The following CCDC171 variants were observed in gnomAD, a reference collection of about 807,000 sequenced individuals.
CCDC171 encodes the protein coiled-coil domain containing 171, also known as coiled-coil domain-containing protein 171.
In CCDC171, 177 loss-of-function variants were observed where a neutral mutation model predicts 168.2. The observed-to-expected ratio is 1.05, with a 90% CI of 0.93 to 1.19. The LOEUF (loss-of-function observed/expected upper bound fraction) is 1.19. CCDC171 is among the 50% of genes most tolerant of loss of function. The probability of loss-of-function intolerance (pLI) is 0.00; values close to 1 mark genes in which losing one functional copy is unlikely to be tolerated. For missense variants in CCDC171, 1,991 were observed against 1,539.0 expected (o/e 1.29, Z -4.91); for synonymous variants, 687 against 540.8 (o/e 1.27, Z -3.75).
Position 15,764,657 on chromosome 9 carries a change from G to A in CCDC171, c.2672-12943G>A, listed in dbSNP as rs1362162705. Among the ~76,000 whole-genome samples the A allele has an allele frequency of 2.0e-5, 3 of 152,296 alleles. No individual in the cohort carries two copies. In the East Asian group the frequency reaches 5.8e-4, roughly 29 times the overall value. On this transcript the variant is annotated intron_variant, in intron 18 of 25. Coordinates refer to ENST00000380701, the MANE Select transcript of CCDC171 (RefSeq NM_173550.4). Reference sequence around the variant, plus strand: ...TATGTCTGAGAAATATATTAGACTCGTAAGTGTCAAGGAGGTGGCTGGATA... The same window carrying A: ...TATGTCTGAGAAATATATTAGACTCATAAGTGTCAAGGAGGTGGCTGGATA...
chr9:15,846,447 T>C (rs73420384), intron 21 of CCDC171, among the ~76,000 whole-genome samples: 4,112 of 152,228 alleles, frequency 0.027, 185 homozygotes, highest in African/African-American at 0.095. Context: ...TTAGTAAGAA[T>C]ACAATTTGCC....
At chr9:16,089,107 G>C in the CCDC171 span, among the ~76,000 whole-genome samples, 169 of 152,150 alleles carry the variant, frequency 1.1e-3, no homozygotes, top group African/African-American at 3.7e-3. Flanking sequence ...ACAAGCAATG[G>C]GGAAAATATT....
chr9:15,593,969 C>T (rs1367756217), intron 5 of CCDC171, 72 bp from the exon 6 acceptor site: 3 of 1,014,698 alleles, frequency 3.0e-6, no homozygotes, highest in African/African-American at 1.7e-5. Context: ...CCTCTTTGTA[C>T]ATTTAAACTG....
intron 24 of CCDC171, among the ~76,000 whole-genome samples, chr9:15,876,389 C>T (rs1266235264): frequency 1.3e-5 from 2 of 152,028 alleles, no homozygotes; most frequent in African/African-American, 2.4e-5. Flanking sequence ...TTGAATATAT[C>T]ATCTTATTTA....
At chr9:15,991,816 C>G (rs907913937) in intron 3 of CCDC171, among the ~76,000 whole-genome samples, 5 of 152,140 alleles carry the variant, frequency 3.3e-5, no homozygotes, top group African/African-American at 9.7e-5. Context: ...CACAAATAAA[C>G]TAGAAAATCT....
intron 8 of CCDC171, among the ~76,000 whole-genome samples, chr9:15,663,253 G>A (rs2048459454): frequency 6.6e-6 from 1 of 151,914 alleles, no homozygotes; most frequent in Non-Finnish European, 1.5e-5. Context: ...CAAGTTTTAT[G>A]GTTCTAAAGC....
intron 3 of CCDC171, among the ~76,000 whole-genome samples, chr9:16,012,935 A>C (rs1212578558): frequency 6.6e-6 from 1 of 152,138 alleles, no homozygotes; most frequent in Non-Finnish European, 1.5e-5. Flanking sequence ...CAGCCCTGGG[A>C]TATCAACCAT....
At chr9:16,097,232 C>T in the CCDC171 span, among the ~76,000 whole-genome samples, 66,872 of 152,046 alleles carry the variant, frequency 0.44, 16,921 homozygotes, top group African/African-American at 0.7. Flanking sequence ...AGATAGAATG[C>T]TTATGGCATG....
At chr9:15,602,803 A>G (rs1349991838) in intron 6 of CCDC171, among the ~76,000 whole-genome samples, 1 of 150,936 alleles carries the variant, frequency 6.6e-6, no homozygotes, top group East Asian at 2.0e-4. Context: ...GATTACAGGC[A>G]CGCACCACCA....
chr9:16,086,958 T>C, the CCDC171 span, among the ~76,000 whole-genome samples: 1 of 152,222 alleles, frequency 6.6e-6, no homozygotes, highest in South Asian at 2.1e-4. Flanking sequence ...TTTAAAAACT[T>C]ATTTATTTCT....
Position 16,055,622 on chromosome 9 carries a change from C to G in CCDC171, n.90-5024C>G, listed in dbSNP as rs140635955. ...AGAGGGCATAATCCTTCTGCGTTAG[C>G]TTTTGGCAAATGAAACGTGTAATTT... On this transcript the variant is annotated intron_variant and non_coding_transcript_variant, in intron 1 of 1. Transcript: ENST00000478913. 1.7e-3 allele frequency among the ~76,000 whole-genome samples: 265 copies of G among 152,338 alleles called. 2 individuals are homozygous for G. The highest frequency in any genetic ancestry group is 5.7e-3 in the African/African-American group (235 of 41,584).
intron 10 of CCDC171, among the ~76,000 whole-genome samples, chr9:15,691,542 T>TATATATATATATATATA (rs1554762137): frequency 9.8e-5 from 11 of 112,720 alleles, no homozygotes; most frequent in East Asian, 5.0e-4. Context: ...TAAATATATG[T>TATATATATATATATATA]TTTTTATATA....
chr9:15,947,840 T>C (rs1433564596), intron 25 of CCDC171, among the ~76,000 whole-genome samples: 1 of 151,816 alleles, frequency 6.6e-6, no homozygotes, highest in African/African-American at 2.4e-5. Flanking sequence ...TTTAATTTAT[T>C]ATTATTTAGG....
chr9:15,890,733 T>C (rs2131486610), intron 24 of CCDC171, among the ~76,000 whole-genome samples: 1 of 152,336 alleles, frequency 6.6e-6, no homozygotes, highest in South Asian at 2.1e-4. Context: ...CAATTCTTTG[T>C]TTATTAATTA....
chr9:15,610,856 G>T (rs2043632047), intron 6 of CCDC171, among the ~76,000 whole-genome samples: 1 of 152,088 alleles, frequency 6.6e-6, no homozygotes, highest in African/African-American at 2.4e-5. Flanking sequence ...ACTGTGCCCG[G>T]CCTGGTCTTT....
At chr9:15,689,309 A>T (rs537771701) in intron 10 of CCDC171, among the ~76,000 whole-genome samples, 2 of 152,330 alleles carry the variant, frequency 1.3e-5, no homozygotes, top group South Asian at 4.1e-4. Flanking sequence ...ATCTCCATCA[A>T]AATCTCAGTT....
chr9:15,855,976 T>G (rs1485596349), intron 23 of CCDC171, among the ~76,000 whole-genome samples: 5 of 151,930 alleles, frequency 3.3e-5, no homozygotes, highest in African/African-American at 1.2e-4. Flanking sequence ...TAATACTGAC[T>G]TTTATATTTC....
At chr9:15,562,842 C>G (rs755304195) in intron 1 of CCDC171, among the ~76,000 whole-genome samples, 9 of 152,066 alleles carry the variant, frequency 5.9e-5, no homozygotes, top group Admixed American at 3.3e-4. Context: ...TCCCTGGGGT[C>G]TGACCTTCAG....
chr9:15,997,364 C>G (rs980471464), intron 3 of CCDC171, among the ~76,000 whole-genome samples: 1 of 152,214 alleles, frequency 6.6e-6, no homozygotes, highest in Non-Finnish European at 1.5e-5. Context: ...ATGGCCCCAG[C>G]TCCTACACTT....
Sources: gnomAD v4.1 joint callset for allele counts (sites outside exome capture counted in the v4.1 genomes callset) on GRCh38, gnomAD v4.1.1 for gene constraint, MANE v1.5 for transcripts, NCBI Gene and HGNC (gene_info 2026-07-23, HGNC 2026-07-21) for gene names.